The following SOX5 variants were observed in gnomAD, a reference collection of about 807,000 sequenced individuals.
SOX5 encodes the protein transcription factor SOX-5.
Under a neutral mutation model 92.0 loss-of-function variants are expected in SOX5, and 9 were observed. That is an observed-to-expected ratio of 0.10 (90% CI 0.06 to 0.17). SOX5 has a LOEUF of 0.17. Ranked by LOEUF, SOX5 falls within the 10% of genes least tolerant of loss-of-function variation. The pLI is 1.00. For synonymous variants in SOX5, 344 were observed against 336.3 expected, an observed-to-expected ratio of 1.02 and a Z score of -0.25; for missense variants, 642 against 944.5, an observed-to-expected ratio of 0.68 and a Z score of 4.20.
At chr12:24,059,451 T>C (rs1170103772) in intron 4 of SOX5, among the ~76,000 whole-genome samples, 2 of 152,198 alleles carry the variant, frequency 1.3e-5, no homozygotes, top group Non-Finnish European at 2.9e-5. Flanking sequence ...GTCCAAGGTT[T>C]GGTTTTTTTA....
intron 1 of SOX5, among the ~76,000 whole-genome samples, chr12:24,524,665 G>A (rs1478230834): frequency 6.6e-6 from 1 of 151,960 alleles, no homozygotes; most frequent in Non-Finnish European, 1.5e-5. Flanking sequence ...AAAAACAAAG[G>A]ACAAGTATTG....
chr12:23,755,562 C>A (rs943909287), intron 4 of SOX5, 76 bp downstream of exon 4: 2 of 1,064,918 alleles, frequency 1.9e-6, no homozygotes, highest in African/African-American at 3.3e-5. Context: ...GGCAGAAATA[C>A]TTTATCACCA....
At chr12:23,864,003 T>C (rs958490679) in intron 2 of SOX5, among the ~76,000 whole-genome samples, 6 of 152,082 alleles carry the variant, frequency 3.9e-5, no homozygotes, top group African/African-American at 1.4e-4. Flanking sequence ...GTTAACAAAT[T>C]GAAAGCTTGT....
In SOX5 at chr12:23,896,158, A is replaced by G. The variant is rs1031683388; in HGVS notation, c.39-134T>C. The G allele has an allele frequency of 7.4e-5, 47 of 634,822 alleles. No individual in the cohort carries two copies. The African/African-American group carries it at 8.0e-4, about 11-fold the overall frequency. The allele number at this position is 634,822 out of a possible 1,614,324, so 39.3% of individuals were successfully genotyped here. On this transcript the variant is annotated intron_variant, in intron 1 of 14. Coordinates refer to ENST00000451604, the MANE Select transcript of SOX5 (RefSeq NM_006940.6). ...GAGAGCAGGAAACCATCCAAATACC[A>G]CTGCAAAGCACACACAATCAGAAAC... is the stretch of plus-strand genomic sequence containing the variant.
At chr12:24,407,104 G>T (rs1963141432) in intron 1 of SOX5, among the ~76,000 whole-genome samples, 1 of 152,116 alleles carries the variant, frequency 6.6e-6, no homozygotes, top group Non-Finnish European at 1.5e-5. Flanking sequence ...AAAAAAGGGT[G>T]GGGGAGCTTT....
At chr12:24,558,833 C>T (rs1954062874) in intron 1 of SOX5, among the ~76,000 whole-genome samples, 2 of 152,134 alleles carry the variant, frequency 1.3e-5, no homozygotes, top group Admixed American at 1.3e-4. Flanking sequence ...CCAAGCTCCC[C>T]CAAATGGGAA....
intron 2 of SOX5, among the ~76,000 whole-genome samples, chr12:24,363,732 C>G (rs1410105858): frequency 1.4e-5 from 2 of 147,696 alleles, no homozygotes; most frequent in African/African-American, 5.0e-5. Flanking sequence ...AAAAAAAAGT[C>G]TGATTCATCT....
At chr12:24,060,213 AACCTTCACAATAGCACTATGAAG>A (rs1939395866) in intron 4 of SOX5, among the ~76,000 whole-genome samples, 1 of 152,232 alleles carries the variant, frequency 6.6e-6, no homozygotes, top group South Asian at 2.1e-4. Flanking sequence ...TGTGTCATGT[AACCTTCACAATAGCACTATGAAG>A]TAGATACAAT....
At chr12:23,555,142 T>G (rs1396694791) in intron 11 of SOX5, among the ~76,000 whole-genome samples, 1 of 152,196 alleles carries the variant, frequency 6.6e-6, no homozygotes, top group Non-Finnish European at 1.5e-5. Context: ...ATTGTTGCCA[T>G]TTTGTTGTAT....
chr12:23,585,142 G>A (rs1285838280), intron 9 of SOX5, among the ~76,000 whole-genome samples: 7 of 152,018 alleles, frequency 4.6e-5, no homozygotes, highest in African/African-American at 1.7e-4. Flanking sequence ...CATACACATC[G>A]AGCAAATGTG....
chr12:23,786,726 A>G lies in SOX5; in HGVS notation c.482-31002T>C, dbSNP rs139548747. On this transcript the variant is annotated intron_variant, in intron 3 of 14. Coordinates refer to ENST00000451604, the MANE Select transcript of SOX5 (RefSeq NM_006940.6). Reference sequence around the variant, plus strand: ...GAGATACATTTGAAAGCCAAGTATTATAACATTTACTGTCTCTGAATTTTT... The same window carrying G: ...GAGATACATTTGAAAGCCAAGTATTGTAACATTTACTGTCTCTGAATTTTT... Among the ~76,000 whole-genome samples the G allele has an allele frequency of 8.0e-4, 117 of 145,668 alleles. 10 individuals carry two copies. In the East Asian group the frequency reaches 0.023, roughly 29 times the overall value.
At chr12:24,429,244 G>A (rs1937750185) in intron 1 of SOX5, among the ~76,000 whole-genome samples, 1 of 152,108 alleles carries the variant, frequency 6.6e-6, no homozygotes, top group Admixed American at 6.6e-5. Context: ...GTGAACCTGG[G>A]AGGCGGAGCT....
chr12:23,615,292 A>C (rs995396059), intron 8 of SOX5, among the ~76,000 whole-genome samples: 5 of 152,034 alleles, frequency 3.3e-5, no homozygotes, highest in Non-Finnish European at 2.9e-5. Flanking sequence ...AAAAAAATTA[A>C]GCTGTCTTAT....
intron 4 of SOX5, among the ~76,000 whole-genome samples, chr12:24,130,410 G>A (rs949072481): frequency 6.6e-6 from 1 of 152,166 alleles, no homozygotes; most frequent in African/African-American, 2.4e-5. Context: ...AAGAAAGAGG[G>A]CAGGTGGTAT....
intron 1 of SOX5, among the ~76,000 whole-genome samples, chr12:24,432,912 C>T (rs900071711): frequency 3.3e-5 from 5 of 152,044 alleles, no homozygotes; most frequent in Non-Finnish European, 7.4e-5. Context: ...AAAACCATTT[C>T]TAAAGAAAAG....
chr12:23,757,925 G>T (rs925182940), intron 3 of SOX5, among the ~76,000 whole-genome samples: 1 of 145,538 alleles, frequency 6.9e-6, no homozygotes, highest in Non-Finnish European at 1.5e-5. Flanking sequence ...AACATTCCAG[G>T]CCTCTTTATT....
intron 3 of SOX5, among the ~76,000 whole-genome samples, chr12:23,830,661 G>T (rs1594847854): frequency 6.6e-6 from 1 of 152,080 alleles, no homozygotes; most frequent in East Asian, 1.9e-4. Flanking sequence ...TTTAAAACAA[G>T]AGTGAATTTC....
intron 10 of SOX5, among the ~76,000 whole-genome samples, chr12:23,565,463 A>G (rs1946909256): frequency 6.6e-6 from 1 of 152,190 alleles, no homozygotes; most frequent in South Asian, 2.1e-4. Flanking sequence ...TATGTAGTCT[A>G]ATTAGCTTCT....
intron 1 of SOX5, among the ~76,000 whole-genome samples, chr12:24,543,359 C>A (rs1952319632): frequency 6.6e-6 from 1 of 152,252 alleles, no homozygotes; most frequent in Non-Finnish European, 1.5e-5. Context: ...TAAGATTAAT[C>A]AAATACAACG....
Sources: gnomAD v4.1 joint callset for allele counts (sites outside exome capture counted in the v4.1 genomes callset) on GRCh38, gnomAD v4.1.1 for gene constraint, MANE v1.5 for transcripts, NCBI Gene and HGNC (gene_info 2026-07-23, HGNC 2026-07-21) for gene names.